PRPSAP1: variants seen among roughly 807,000 people sequenced by gnomAD.
PRPSAP1 encodes phosphoribosyl pyrophosphate synthase-associated protein 1.
A neutral mutation model predicts 39.4 loss-of-function variants in PRPSAP1; 31 were observed. That is an observed-to-expected ratio of 0.79 (90% CI 0.59 to 1.06). The LOEUF (loss-of-function observed/expected upper bound fraction) is 1.06. Among genes scored for constraint, PRPSAP1 ranks in the 50% least tolerant of loss-of-function variants. The probability of loss-of-function intolerance (pLI) is 0.00; values close to 1 mark genes in which losing one functional copy is unlikely to be tolerated. For synonymous variants in PRPSAP1, 212 were observed against 192.6 expected (o/e 1.10, Z -0.83); for missense variants, 430 against 511.6 (o/e 0.84, Z 1.54).
At chr17:76,330,416 T>G (rs1443851840) in intron 5 of PRPSAP1, 135 bp downstream of exon 5, 30 of 682,288 alleles carry the variant, frequency 4.4e-5, no homozygotes, top group Non-Finnish European at 7.1e-5. Context: ...AAGCTGACCC[T>G]GTCTGCTGCC....
chr17:76,314,950 C>G (rs931618362), intron 7 of PRPSAP1, among the ~76,000 whole-genome samples: 2 of 152,202 alleles, frequency 1.3e-5, no homozygotes, highest in African/African-American at 4.8e-5. Context: ...GAAAGGCTGC[C>G]AGATCATGAG....
Position 76,332,330 on chromosome 17 carries a change from C to T in PRPSAP1, c.396G>A (p.Lys132=). Residue 132 remains lysine, a synonymous_variant, in exon 4 of 10, where the codon AAG becomes AAA. Transcript: ENST00000446526. ...IGVIPYFPYS[K]QSKMRKRGSI... ...AACCCCTCTTCCTCATCTTGCTCTGCTTGCTGTAGGGGAAGTAGGGGATGA... is the reference window on the plus strand; with the variant it reads ...AACCCCTCTTCCTCATCTTGCTCTGTTTGCTGTAGGGGAAGTAGGGGATGA... 3 of 1,614,174 alleles carry T rather than the reference C, an allele frequency of 1.9e-6. No homozygotes were observed. Among genetic ancestry groups the T allele is most frequent in the Non-Finnish European group, 1.7e-6 (2 of 1,180,038 alleles).
intron 3 of PRPSAP1, among the ~76,000 whole-genome samples, chr17:76,342,181 C>T (rs2071447048): frequency 6.6e-6 from 1 of 152,120 alleles, no homozygotes; most frequent in Admixed American, 6.6e-5. Context: ...ATGAGGCTCA[C>T]AGCAGCCTCT....
chr17:76,352,668 GAAAAGA>G (rs1227788968), intron 1 of PRPSAP1, among the ~76,000 whole-genome samples: 17 of 128,214 alleles, frequency 1.3e-4, no homozygotes, highest in South Asian at 2.5e-4. Context: ...AAAAAAAAAA[GAAAAGA>G]AAAAGAAAAA....
chr17:76,341,917 C>T lies in PRPSAP1; in HGVS notation c.290+2754G>A, dbSNP rs868219323. On this transcript the variant is annotated intron_variant, in intron 3 of 9. Transcript: ENST00000446526. ...TTGCGCCACTGCACCCCAGCCTGGG[C>T]GACAGAGTGAGACTCCGTCTAAAAA... Among the ~76,000 whole-genome samples the T allele has an allele frequency of 3.3e-5, 5 of 152,034 alleles. No homozygotes were observed. The South Asian group carries it at 6.2e-4, about 19-fold the overall frequency.
rs533622901 is a variant in PRPSAP1 at position 76,342,314 on chromosome 17, G to A, written c.290+2357C>T. ...CAACAGGAACACAGCTTCCTTCCGA[G>A]GTACCTGAATCTCATCATAGTGAAA... On this transcript the variant is annotated intron_variant, in intron 3 of 9. Coordinates refer to ENST00000446526, the MANE Select transcript of PRPSAP1 (RefSeq NM_002766.3). 4.7e-4 allele frequency among the ~76,000 whole-genome samples: 72 copies of A among 152,216 alleles called. 3 individuals are homozygous for A. In the South Asian group the frequency reaches 0.015, roughly 31 times the overall value.
At chr17:76,349,217 T>C (rs2071542315) in intron 1 of PRPSAP1, among the ~76,000 whole-genome samples, 1 of 151,760 alleles carries the variant, frequency 6.6e-6, no homozygotes, top group African/African-American at 2.4e-5. Context: ...GGCAGGAGAA[T>C]TGCTTGAACC....
chr17:76,328,118 G>T (rs539536530), intron 7 of PRPSAP1, among the ~76,000 whole-genome samples: 2 of 149,624 alleles, frequency 1.3e-5, no homozygotes, highest in African/African-American at 4.9e-5. Context: ...AATCACTTGC[G>T]CCCCGGTCAA....
chr17:76,344,637 T>A, intron 3 of PRPSAP1, 34 bp downstream of exon 3: 1 of 1,435,852 alleles, frequency 7.0e-7, no homozygotes, highest in Non-Finnish European at 9.6e-7. Flanking sequence ...TTAAGGTTTT[T>A]ACAGAAAAGA....
intron 7 of PRPSAP1, among the ~76,000 whole-genome samples, chr17:76,319,738 C>T (rs1481793851): frequency 2.0e-5 from 3 of 152,036 alleles, no homozygotes; most frequent in East Asian, 1.9e-4. Flanking sequence ...CAGGCGTGAG[C>T]CACCGTGCCT....
intron 7 of PRPSAP1, among the ~76,000 whole-genome samples, chr17:76,316,391 C>G (rs1435653000): frequency 2.0e-5 from 3 of 152,014 alleles, no homozygotes; most frequent in African/African-American, 7.2e-5. Context: ...AAAATGAAAG[C>G]CTTTCTGCCC....
chr17:76,316,897 C>A (rs1008131433), intron 7 of PRPSAP1, among the ~76,000 whole-genome samples: 3 of 152,242 alleles, frequency 2.0e-5, no homozygotes, highest in Admixed American at 2.0e-4. Flanking sequence ...AGTACAAGCA[C>A]CTGCACACAT....
chr17:76,353,513 G>T (rs1357617802), intron 1 of PRPSAP1, 21 bp downstream of exon 1: 1 of 1,484,350 alleles, frequency 6.7e-7, no homozygotes, highest in Non-Finnish European at 8.9e-7. Flanking sequence ...CCCCGGCCCG[G>T]CCCTCCCACC....
At position 76,353,608 on chromosome 17, in the gene PRPSAP1, G is replaced by A. The variant is rs766869956; in HGVS notation, c.96C>T (p.Ala32=). The change falls in exon 1 of 10, where the codon GCC becomes GCT. Residue 32 remains alanine (A), a synonymous_variant. Coordinates refer to ENST00000446526, the MANE Select transcript of PRPSAP1 (RefSeq NM_002766.3). The part of the protein sequence containing the change: ...ARPVPPPAMN[A]ARTGYRVFSA... Reference sequence around the variant, plus strand: ...AGAAGACTCGGTAGCCGGTGCGAGCGGCGTTCATGGCCGGCGGGGGAACGG... The same window carrying A: ...AGAAGACTCGGTAGCCGGTGCGAGCAGCGTTCATGGCCGGCGGGGGAACGG... 1.1e-5 allele frequency: 17 copies of A among 1,556,940 alleles called. No individual in the cohort carries two copies. In the East Asian group the frequency reaches 3.0e-4, roughly 27 times the overall value.
chr17:76,326,524 A>G (rs1306423593), intron 7 of PRPSAP1, among the ~76,000 whole-genome samples: 3 of 152,212 alleles, frequency 2.0e-5, no homozygotes, highest in Non-Finnish European at 4.4e-5. Context: ...CCAAAAATGC[A>G]TAACCTGAAT....
At position 76,311,654 on chromosome 17, in the gene PRPSAP1, C is replaced by T; in HGVS notation, c.1046G>A (p.Cys349Tyr). The T allele has an allele frequency of 1.2e-6, 2 of 1,614,126 alleles. No individual in the cohort carries two copies. The highest frequency in any genetic ancestry group is 1.7e-6 in the Non-Finnish European group (2 of 1,180,024). The stretch of plus-strand genomic sequence containing the variant: ...GATATCCACAGTCTTTATCTTGGGA[C>T]ATTGCAGCTTCTGAACCTCATGAGG... Reference protein sequence around the residue: ...TVPHEVQKLQCPKIKTVDISL... With the variant: ...TVPHEVQKLQYPKIKTVDISL... Residue 349 changes from cysteine to tyrosine, a missense_variant, in exon 10 of 10, where the codon TGT (cysteine) becomes TAT (tyrosine). Coordinates refer to ENST00000446526, the MANE Select transcript of PRPSAP1 (RefSeq NM_002766.3).
chr17:76,319,410 T>C (rs1276804830), intron 7 of PRPSAP1: 2 of 152,168 alleles, frequency 1.3e-5, no homozygotes, highest in East Asian at 1.9e-4. Context: ...TCAATACTTA[T>C]TAATATTAGT....
Position 76,353,878 on chromosome 17 carries a change from C to T in PRPSAP1, c.-175G>A. On this transcript the variant is annotated 5_prime_UTR_variant, in exon 1 of 10. Transcript: ENST00000446526. ...ACACCACTGACTACAGCGGCCGAGC[C>T]TTCGCAGCGCCCGGCGCCGCCGCCT... The T allele has an allele frequency of 5.3e-6, 7 of 1,326,884 alleles. No homozygotes were observed. Among genetic ancestry groups the T allele is most frequent in the Non-Finnish European group, 6.7e-6 (7 of 1,043,572 alleles). The allele number at this position is 1,326,884 out of a possible 1,614,324, so 82.2% of individuals were successfully genotyped here.
intron 4 of PRPSAP1, among the ~76,000 whole-genome samples, chr17:76,331,273 C>A (rs1035313118): frequency 3.3e-5 from 5 of 152,172 alleles, no homozygotes; most frequent in Admixed American, 6.6e-5. Context: ...CACAGCAAAA[C>A]TTCCAGGGTG....
Sources: gnomAD v4.1 joint callset for allele counts (sites outside exome capture counted in the v4.1 genomes callset) on GRCh38, gnomAD v4.1.1 for gene constraint, MANE v1.5 for transcripts, NCBI Gene and HGNC (gene_info 2026-07-23, HGNC 2026-07-21) for gene names.